Variants in CCDC171 observed in about 807,000 individuals in gnomAD.
The protein encoded by CCDC171 is coiled-coil domain-containing protein 171.
Under a neutral mutation model 168.2 loss-of-function variants are expected in CCDC171, and 177 were observed. The observed-to-expected ratio is 1.05, with a 90% confidence interval of 0.93 to 1.19. The LOEUF is 1.19. Among genes scored for constraint, CCDC171 ranks in the 50% most tolerant of loss-of-function variants. The pLI is 0.00. For synonymous variants in CCDC171, 687 were observed against 540.8 expected (o/e 1.27, Z -3.75); for missense variants, 1,991 against 1,539.0 (o/e 1.29, Z -4.91).
intron 24 of CCDC171, among the ~76,000 whole-genome samples, chr9:15,883,649 C>A (rs951110301): frequency 3.3e-5 from 5 of 152,072 alleles, no homozygotes; most frequent in African/African-American, 1.2e-4. Context: ...TAATTGCATC[C>A]GTGTAAAGCT....
chr9:16,065,809 G>GGTGTGTGTGTGT (rs113107786), downstream of CCDC171, among the ~76,000 whole-genome samples: 4,595 of 144,256 alleles, frequency 0.032, 109 homozygotes, highest in East Asian at 0.062. Flanking sequence ...TTGTGTGCAT[G>GGTGTGTGTGTGT]GTGTGTGTGT....
chr9:16,080,787 C>T, the CCDC171 span, among the ~76,000 whole-genome samples: 1 of 152,138 alleles, frequency 6.6e-6, no homozygotes, highest in South Asian at 2.1e-4. Context: ...CTCAAATCTC[C>T]TTCTTTTCCA....
chr9:15,925,328 G>A (rs992027690), intron 25 of CCDC171, among the ~76,000 whole-genome samples: 2 of 151,540 alleles, frequency 1.3e-5, no homozygotes, highest in Non-Finnish European at 3.0e-5. Flanking sequence ...AAAGAACAGT[G>A]ATCTAGATCA....
intron 24 of CCDC171, among the ~76,000 whole-genome samples, chr9:15,916,330 A>G (rs1325367790): frequency 6.6e-6 from 1 of 151,928 alleles, no homozygotes; most frequent in Non-Finnish European, 1.5e-5. Flanking sequence ...ATAAGGTATG[A>G]ATTTTTATCC....
At chr9:15,751,993 T>C (rs1453397887) in intron 18 of CCDC171, among the ~76,000 whole-genome samples, 1 of 151,804 alleles carries the variant, frequency 6.6e-6, no homozygotes, top group Non-Finnish European at 1.5e-5. Context: ...TGGGAGAAAA[T>C]TTTTGCAATT....
At chr9:15,729,347 A>G (rs997072070) in intron 15 of CCDC171, among the ~76,000 whole-genome samples, 1 of 152,156 alleles carries the variant, frequency 6.6e-6, no homozygotes, top group East Asian at 1.9e-4. Flanking sequence ...CAAATTAATT[A>G]TAGAATAAGT....
At chr9:15,851,771 T>G (rs555702449) in intron 23 of CCDC171, among the ~76,000 whole-genome samples, 1 of 152,056 alleles carries the variant, frequency 6.6e-6, no homozygotes, top group South Asian at 2.1e-4. Context: ...AACACTGACC[T>G]GCCTTCTGTC....
intron 10 of CCDC171, among the ~76,000 whole-genome samples, chr9:15,691,674 G>GT (rs1209237858): frequency 6.6e-6 from 1 of 150,988 alleles, no homozygotes; most frequent in African/African-American, 2.4e-5. Flanking sequence ...ATGTTGTATT[G>GT]TATTTACCTT....
intron 25 of CCDC171, among the ~76,000 whole-genome samples, chr9:15,928,276 G>C (rs1346727822): frequency 6.6e-6 from 1 of 151,738 alleles, no homozygotes; most frequent in Non-Finnish European, 1.5e-5. Context: ...ACTTCACTTG[G>C]GCTGTGGTGA....
chr9:15,569,554 G>A (rs897670254), intron 2 of CCDC171, among the ~76,000 whole-genome samples: 4 of 151,984 alleles, frequency 2.6e-5, no homozygotes, highest in African/African-American at 7.2e-5. Context: ...GGTGGCTCGC[G>A]CCTGTAATCC....
chr9:15,755,145 A>G (rs1257398750), intron 18 of CCDC171, among the ~76,000 whole-genome samples: 3 of 152,120 alleles, frequency 2.0e-5, no homozygotes, highest in African/African-American at 7.2e-5. Flanking sequence ...CTCCCAGATA[A>G]TAGGAAGTCT....
intron 16 of CCDC171, among the ~76,000 whole-genome samples, chr9:15,731,586 A>C (rs1195325185): frequency 2.0e-5 from 3 of 152,012 alleles, no homozygotes; most frequent in African/African-American, 7.2e-5. Flanking sequence ...CAGCACCACT[A>C]TTTGATGGAT....
chr9:15,663,369 G>A (rs1300335494), intron 8 of CCDC171, among the ~76,000 whole-genome samples: 1 of 151,866 alleles, frequency 6.6e-6, no homozygotes, highest in Non-Finnish European at 1.5e-5. Context: ...TTCTGAAAAG[G>A]TAAACTATCT....
chr9:15,890,769 C>G (rs1237303992), intron 24 of CCDC171, among the ~76,000 whole-genome samples: 1 of 152,072 alleles, frequency 6.6e-6, no homozygotes, highest in Non-Finnish European at 1.5e-5. Context: ...GTTTTAAAAA[C>G]TAAAATGGTA....
chr9:15,679,790 C>G (rs755499919), intron 10 of CCDC171, among the ~76,000 whole-genome samples: 6 of 152,180 alleles, frequency 3.9e-5, no homozygotes, highest in Non-Finnish European at 7.4e-5. Flanking sequence ...CTCAAGTGGT[C>G]CTCCTGTCTT....
At chr9:15,864,647 A>C (rs1341365015) in intron 23 of CCDC171, among the ~76,000 whole-genome samples, 2 of 152,116 alleles carry the variant, frequency 1.3e-5, no homozygotes, top group Non-Finnish European at 2.9e-5. Context: ...AAGGGAAAGC[A>C]CAACAATTAT....
At chr9:16,045,693 C>G (rs527845022) in intron 1 of CCDC171, among the ~76,000 whole-genome samples, 19 of 152,272 alleles carry the variant, frequency 1.2e-4, no homozygotes, top group Non-Finnish European at 1.9e-4. Flanking sequence ...CTTGGGGAGG[C>G]TGAGGAGTGA....
intron 3 of CCDC171, among the ~76,000 whole-genome samples, chr9:15,576,993 A>G (rs1380462334): frequency 6.6e-6 from 1 of 152,086 alleles, no homozygotes; most frequent in African/African-American, 2.4e-5. Context: ...TTTTTTTGGT[A>G]AGGAATGTTC....
chr9:15,861,124 C>G (rs767314048), intron 23 of CCDC171, among the ~76,000 whole-genome samples: 1 of 151,642 alleles, frequency 6.6e-6, no homozygotes, highest in Non-Finnish European at 1.5e-5. Context: ...CAAATGGTAA[C>G]TAATGGAATA....
Sources: gnomAD v4.1 joint callset for allele counts (sites outside exome capture counted in the v4.1 genomes callset) on GRCh38, gnomAD v4.1.1 for gene constraint, MANE v1.5 for transcripts, NCBI Gene and HGNC (gene_info 2026-07-23, HGNC 2026-07-21) for gene names.